TENM3: variants seen among roughly 807,000 people sequenced by gnomAD.
The protein encoded by TENM3 is teneurin transmembrane protein 3.
In TENM3, 63 loss-of-function variants were observed where a neutral mutation model predicts 255.1. That is an observed-to-expected ratio of 0.25 (90% CI 0.20 to 0.30). The LOEUF is 0.30. Ranked by LOEUF, TENM3 falls within the 10% of genes least tolerant of loss-of-function variation. The probability of loss-of-function intolerance (pLI) is 1.00; values close to 1 mark genes in which losing one functional copy is unlikely to be tolerated. For synonymous variants in TENM3, 1,306 were observed against 1,322.3 expected (o/e 0.99, Z 0.27); for missense variants, 2,929 against 3,461.1 (o/e 0.85, Z 3.86).
chr4:181,911,553 G>A, the TENM3 span, among the ~76,000 whole-genome samples: 6 of 152,176 alleles, frequency 3.9e-5, no homozygotes, highest in South Asian at 2.1e-4. Flanking sequence ...GGCAGCCTGG[G>A]ATTGGACTCT....
chr4:181,710,746 G>A, the TENM3 span, among the ~76,000 whole-genome samples: 8 of 151,722 alleles, frequency 5.3e-5, no homozygotes, highest in Non-Finnish European at 2.9e-5. Flanking sequence ...ACGGGGTCTC[G>A]CTATATTGCC....
At chr4:182,207,502 G>C (rs1482571636) in intron 1 of TENM3, among the ~76,000 whole-genome samples, 4 of 152,194 alleles carry the variant, frequency 2.6e-5, no homozygotes, top group Admixed American at 2.6e-4. Flanking sequence ...AAAGATATGT[G>C]GCGGGGCAGA....
intron 3 of TENM3, among the ~76,000 whole-genome samples, chr4:182,576,743 C>T (rs1315174413): frequency 6.6e-6 from 1 of 152,150 alleles, no homozygotes; most frequent in Non-Finnish European, 1.5e-5. Context: ...TCTACTAACT[C>T]TCATCACCCA....
the TENM3 span, among the ~76,000 whole-genome samples, chr4:181,495,918 A>AAG: frequency 6.6e-6 from 1 of 150,438 alleles, no homozygotes; most frequent in Admixed American, 6.6e-5. Context: ...AAAAAAAAAA[A>AAG]AAAAGAAACA....
At chr4:181,526,155 C>T in the TENM3 span, among the ~76,000 whole-genome samples, 2 of 152,004 alleles carry the variant, frequency 1.3e-5, no homozygotes, top group Non-Finnish European at 2.9e-5. Context: ...TGAATTTAAA[C>T]GATTGGCCCA....
upstream of TENM3, among the ~76,000 whole-genome samples, chr4:182,241,117 T>C (rs1311070052): frequency 6.6e-6 from 1 of 152,206 alleles, no homozygotes; most frequent in Non-Finnish European, 1.5e-5. Flanking sequence ...ACACTCGTGC[T>C]GAAATTTCAT....
upstream of TENM3, chr4:182,142,344 A>C (rs1399097806): frequency 6.3e-6 from 1 of 159,672 alleles, no homozygotes; most frequent in African/African-American, 2.4e-5. Context: ...TCTCTACTTA[A>C]CGCGCTGCGC....
intron 12 of TENM3, among the ~76,000 whole-genome samples, chr4:182,688,855 A>T (rs1756799437): frequency 6.6e-6 from 1 of 152,192 alleles, no homozygotes; most frequent in Non-Finnish European, 1.5e-5. Flanking sequence ...ATCATGAGAA[A>T]TAAAGTAGAA....
the TENM3 span, among the ~76,000 whole-genome samples, chr4:181,561,756 A>G: frequency 1.3e-5 from 2 of 152,214 alleles, no homozygotes; most frequent in African/African-American, 4.8e-5. Flanking sequence ...CACTGATGTG[A>G]GCGTGCATCT....
chr4:182,638,644 C>G lies in TENM3; in HGVS notation c.988+9755C>G, dbSNP rs539610730. On this transcript the variant is annotated intron_variant, in intron 5 of 27. Transcript: ENST00000511685. Reference sequence around the variant, plus strand: ...ATAAGAACTTCCAGTCCTTCTGTTACCTGTTACATTTTATCGTGGTGACTT... The same window carrying G: ...ATAAGAACTTCCAGTCCTTCTGTTAGCTGTTACATTTTATCGTGGTGACTT... 2.0e-5 allele frequency among the ~76,000 whole-genome samples: 3 copies of G among 152,264 alleles called. No homozygotes were observed. In the East Asian group the frequency reaches 5.8e-4, roughly 29 times the overall value.
At chr4:181,651,808 A>G in the TENM3 span, among the ~76,000 whole-genome samples, 1 of 152,170 alleles carries the variant, frequency 6.6e-6, no homozygotes, top group Non-Finnish European at 1.5e-5. Context: ...ATTACAGAAT[A>G]ATTCCAATAC....
At chr4:181,546,749 C>T in the TENM3 span, among the ~76,000 whole-genome samples, 2 of 151,320 alleles carry the variant, frequency 1.3e-5, no homozygotes, top group South Asian at 4.2e-4. Context: ...GAAGAAATGG[C>T]ACCTGAGTCA....
intron 5 of TENM3, among the ~76,000 whole-genome samples, chr4:182,636,606 A>C (rs970952100): frequency 1.3e-5 from 2 of 151,862 alleles, no homozygotes; most frequent in Non-Finnish European, 1.5e-5. Flanking sequence ...AGTCCCAGCT[A>C]CTCGGGAGGC....
At chr4:182,314,782 G>C (rs1366671420) in intron 1 of TENM3, among the ~76,000 whole-genome samples, 1 of 152,072 alleles carries the variant, frequency 6.6e-6, no homozygotes, top group African/African-American at 2.4e-5. Flanking sequence ...TTTTGACCTA[G>C]TTGGGTTTAA....
At chr4:181,927,446 G>A in the TENM3 span, among the ~76,000 whole-genome samples, 1 of 152,254 alleles carries the variant, frequency 6.6e-6, no homozygotes, top group East Asian at 1.9e-4. Flanking sequence ...GCTCAGCAAA[G>A]CCACTGTGGC....
At chr4:181,578,694 G>A in the TENM3 span, among the ~76,000 whole-genome samples, 1 of 152,220 alleles carries the variant, frequency 6.6e-6, no homozygotes, top group African/African-American at 2.4e-5. Flanking sequence ...TTCTTCTCAG[G>A]CCTCTTCCCT....
At chr4:182,090,613 C>G in the TENM3 span, among the ~76,000 whole-genome samples, 13 of 152,220 alleles carry the variant, frequency 8.5e-5, no homozygotes, top group African/African-American at 2.9e-4. Flanking sequence ...CAGACAAGAA[C>G]CATATATATA....
the TENM3 span, among the ~76,000 whole-genome samples, chr4:182,053,403 G>A: frequency 6.6e-6 from 1 of 152,172 alleles, no homozygotes; most frequent in Non-Finnish European, 1.5e-5. Context: ...TTATTAAAAT[G>A]GCTTGCCCAG....
the TENM3 span, among the ~76,000 whole-genome samples, chr4:181,834,207 C>T: frequency 2.6e-5 from 4 of 151,730 alleles, no homozygotes; most frequent in African/African-American, 9.7e-5. Flanking sequence ...GGTTGCTTGA[C>T]AACTTCTTAT....
Sources: allele counts gnomAD v4.1 joint callset (sites outside exome capture counted in the v4.1 genomes callset), GRCh38; gene constraint gnomAD v4.1.1; transcripts MANE v1.5; gene names NCBI Gene and HGNC (gene_info 2026-07-23, HGNC 2026-07-21).